The following SLC9A3 variants were observed in gnomAD, a reference collection of about 807,000 sequenced individuals.
SLC9A3 encodes the protein solute carrier family 9 member A3, also known as sodium/hydrogen exchanger 3.
In SLC9A3, 37 loss-of-function variants were observed where a neutral mutation model predicts 86.8. The observed-to-expected ratio is 0.43, with a 90% CI of 0.33 to 0.56. The LOEUF is 0.56. Among genes scored for constraint, SLC9A3 ranks in the 20% least tolerant of loss-of-function variants. SLC9A3 has a pLI of 0.06. For missense variants in SLC9A3, 1,011 were observed against 1,171.9 expected, an observed-to-expected ratio of 0.86 and a Z score of 2.00; for synonymous variants, 581 against 528.3, an observed-to-expected ratio of 1.10 and a Z score of -1.37.
At chr5:511,862 C>T (rs1406896579) in intron 1 of SLC9A3, among the ~76,000 whole-genome samples, 2 of 152,204 alleles carry the variant, frequency 1.3e-5, no homozygotes, top group Non-Finnish European at 2.9e-5. Context: ...ACCAAAATCA[C>T]CTGGAAGCAG....
chr5:473,179 C>A lies in SLC9A3; in HGVS notation c.*200G>T. On this transcript the variant is annotated 3_prime_UTR_variant, in exon 17 of 17. Coordinates refer to ENST00000264938, the MANE Select transcript of SLC9A3 (RefSeq NM_004174.4). ...CCCGGCGCAGGCCCCGCCCCCGGCT[C>A]GCCCTCGGGCGGCTCTGCGGGCGCA... The A allele has an allele frequency of 2.0e-6, 1 of 492,766 alleles. No homozygotes were observed. The allele number at this position is 492,766 out of a possible 1,614,324, so 30.5% of individuals were successfully genotyped here.
Position 495,419 on chromosome 5 carries a change from G to A in SLC9A3, c.212-3348C>T, listed in dbSNP as rs367561221. ...CGACCCTCCCCACGCTCCACTCCCC[G>A]CGCCATCGCCGACCCTCCCCACGCT... On this transcript the variant is annotated intron_variant, in intron 1 of 16. Coordinates refer to ENST00000264938, the MANE Select transcript of SLC9A3 (RefSeq NM_004174.4). Among the ~76,000 whole-genome samples, 82 of 130,604 alleles carry A rather than the reference G, an allele frequency of 6.3e-4. 5 individuals carry two copies. The East Asian group carries it at 0.01, about 16-fold the overall frequency. 85.7% of individuals were successfully genotyped at this position (130,604 alleles called of 152,430 possible).
chr5:493,116 G>GAAA (rs70955254), intron 1 of SLC9A3, among the ~76,000 whole-genome samples: 1 of 145,756 alleles, frequency 6.9e-6, no homozygotes, highest in Non-Finnish European at 1.5e-5. Flanking sequence ...GTTGGACTCA[G>GAAA]AAAAAAAAAA....
chr5:521,063 G>A (rs73730851), intron 1 of SLC9A3, among the ~76,000 whole-genome samples: 8,195 of 152,324 alleles, frequency 0.054, 574 homozygotes, highest in African/African-American at 0.16. Context: ...AGGCCCTGCC[G>A]CCTCCACTGC....
intron 11 of SLC9A3, 163 bp downstream of exon 11, chr5:477,169 A>G: frequency 3.5e-6 from 2 of 579,522 alleles, no homozygotes; most frequent in South Asian, 4.7e-5. Context: ...GCCACGGCCT[A>G]ATATAGGAGG....
Position 497,976 on chromosome 5 carries a change from C to G in SLC9A3, c.212-5905G>C, listed in dbSNP as rs1380652800. ...GGTCAGCTATGAAGCCTTAGCCTCG[C>G]TTGTGGGAGTCCCTGCCTCACGGAT... On this transcript the variant is annotated intron_variant, in intron 1 of 16. Coordinates refer to ENST00000264938, the MANE Select transcript of SLC9A3 (RefSeq NM_004174.4). The surrounding 1 kb of genome is among the most constrained non-coding windows in gnomAD (Gnocchi z 5.4). Among the ~76,000 whole-genome samples, 1 of 152,264 alleles carries G rather than the reference C, an allele frequency of 6.6e-6. No homozygotes were observed. The highest frequency in any genetic ancestry group is 2.1e-4 in the South Asian group (1 of 4,838).
At chr5:517,405 T>TCATC (rs1270370416) in intron 1 of SLC9A3, among the ~76,000 whole-genome samples, 1 of 149,764 alleles carries the variant, frequency 6.7e-6, no homozygotes, top group African/African-American at 2.5e-5. Flanking sequence ...ATCCATTCAT[T>TCATC]CATCCATCCA....
Position 470,696 on chromosome 5 carries a change from ATAATT to A in SLC9A3, c.*2678_*2682del, listed in dbSNP as rs1738309185. ...AAATTAACATACACAATTTTCACTC[ATAATT>A]TAAAATATTTTGATGAAATTCTTTG... is the stretch of plus-strand genomic sequence containing the variant. On this transcript the variant is annotated 3_prime_UTR_variant, in exon 17 of 17. Coordinates refer to ENST00000264938, the MANE Select transcript of SLC9A3 (RefSeq NM_004174.4). The A allele has an allele frequency of 1.3e-5, 2 of 152,180 alleles. No individual in the cohort carries two copies. The highest frequency in any genetic ancestry group is 1.5e-5 in the Non-Finnish European group (1 of 68,030). The allele number at this position is 152,180 out of a possible 1,614,324, so 9.4% of individuals were successfully genotyped here.
rs1271897784 is a variant in SLC9A3 at position 471,120 on chromosome 5, CAG to C, written c.*2257_*2258del. On this transcript the variant is annotated 3_prime_UTR_variant, in exon 17 of 17. Coordinates refer to ENST00000264938, the MANE Select transcript of SLC9A3 (RefSeq NM_004174.4). ...TTAGCCTGTGCAATTCTCGTCAACA[CAG>C]AACACCTGCCTGCCCACCCCCGGTG... The C allele has an allele frequency of 6.5e-6, 1 of 154,964 alleles. No individual in the cohort carries two copies. The highest frequency in any genetic ancestry group is 1.4e-5 in the Non-Finnish European group (1 of 69,692). 9.6% of individuals were successfully genotyped at this position (154,964 alleles called of 1,614,324 possible).
At chr5:489,117 G>A (rs1739606501) in intron 2 of SLC9A3, among the ~76,000 whole-genome samples, 1 of 152,344 alleles carries the variant, frequency 6.6e-6, no homozygotes, top group African/African-American at 2.4e-5. Flanking sequence ...TCAACCCAGG[G>A]TTCAGGCCTC....
chr5:492,039 C>G lies in SLC9A3; in HGVS notation c.244G>C (p.Val82Leu), dbSNP rs1375511790. 5 of 1,554,540 alleles carry G rather than the reference C, an allele frequency of 3.2e-6. No individual in the cohort carries two copies. In the African/African-American group the frequency reaches 4.2e-5, roughly 13 times the overall value. ...FHLSHKVTSV[V>L]PESALLIVLG... ...ACGATGAGCAGGGCGCTCTCGGGAA[C>G]CACGCTGGTGACCTTGTGGGACAGG... Residue 82 changes from valine to leucine, a missense_variant, in exon 2 of 17, where the codon GTT (valine) becomes CTT (leucine). Transcript: ENST00000264938.
At chr5:489,948 G>T (rs996215989) in intron 2 of SLC9A3, among the ~76,000 whole-genome samples, 9 of 152,232 alleles carry the variant, frequency 5.9e-5, no homozygotes, top group Non-Finnish European at 8.8e-5. Flanking sequence ...TGAAGCTCTC[G>T]CAGGGCCTGT....
chr5:490,261 A>G (rs1474991796), intron 2 of SLC9A3, among the ~76,000 whole-genome samples: 1 of 73,934 alleles, frequency 1.4e-5, no homozygotes, highest in African/African-American at 6.4e-5. Context: ...TACCTGGGAC[A>G]CGTGTTTCTC....
At chr5:490,634 G>A (rs1016054957) in intron 2 of SLC9A3, among the ~76,000 whole-genome samples, 1 of 152,074 alleles carries the variant, frequency 6.6e-6, no homozygotes, top group Non-Finnish European at 1.5e-5. Context: ...GGGATCTCAT[G>A]GGCGAGGGGC....
At position 496,469 on chromosome 5, in the gene SLC9A3, ACTG is replaced by A. The variant is rs1740026966; in HGVS notation, c.212-4401_212-4399del. ...GTGTCGGCTTGCTCCCCTGCCGGGC[ACTG>A]ATCCTTTCCTATTGACACGAGGTTC... On this transcript the variant is annotated intron_variant, in intron 1 of 16. Coordinates refer to ENST00000264938, the MANE Select transcript of SLC9A3 (RefSeq NM_004174.4). This position sits in a 1 kb window ranked among gnomAD's most constrained non-coding sequence, Gnocchi z 4.7. Among the ~76,000 whole-genome samples the A allele has an allele frequency of 6.6e-6, 1 of 152,240 alleles. No individual in the cohort carries two copies. The highest frequency in any genetic ancestry group is 1.5e-5 in the Non-Finnish European group (1 of 68,034).
chr5:473,394 G>A lies in SLC9A3; in HGVS notation c.2502-12C>T, dbSNP rs1436675643. Reference sequence around the variant, plus strand: ...GGAGCCGGTGTCACCTGCGGGAGAGGAAGGCGTGAGCGGCGCGCGGAGCCC... The same window carrying A: ...GGAGCCGGTGTCACCTGCGGGAGAGAAAGGCGTGAGCGGCGCGCGGAGCCC... On this transcript the variant is annotated splice_polypyrimidine_tract_variant and intron_variant, in intron 16 of 16. Transcript: ENST00000264938. 4 of 1,406,066 alleles carry A rather than the reference G, an allele frequency of 2.8e-6. No homozygotes were observed. In the African/African-American group the frequency reaches 4.5e-5, roughly 16 times the overall value. 87.1% of individuals were successfully genotyped at this position (1,406,066 alleles called of 1,614,324 possible).
chr5:476,420 G>A (rs761035492), intron 12 of SLC9A3, 42 bp from the exon 13 acceptor site: 20 of 1,609,416 alleles, frequency 1.2e-5, no homozygotes, highest in Admixed American at 3.3e-5. Flanking sequence ...GCCCACCGCC[G>A]GACATTCTCG....
At chr5:481,681 G>A in intron 8 of SLC9A3, 46 bp from the exon 9 acceptor site, 1 of 1,503,488 alleles carries the variant, frequency 6.7e-7, no homozygotes, top group Non-Finnish European at 9.3e-7. Flanking sequence ...GGCCAACCGG[G>A]GAACATGAGG....
intron 3 of SLC9A3, among the ~76,000 whole-genome samples, chr5:486,896 CGTGATCCAGACCGCACTGA>C (rs1739502711): frequency 3.3e-5 from 4 of 122,322 alleles, no homozygotes; most frequent in Admixed American, 8.8e-5. Context: ...GCACTGACAC[CGTGATCCAGACCGCACTGA>C]CACCCACCAC....
Sources: allele counts gnomAD v4.1 joint callset (sites outside exome capture counted in the v4.1 genomes callset), GRCh38; gene constraint gnomAD v4.1.1; non-coding constraint Gnocchi (gnomAD v3.1); transcripts MANE v1.5; gene names NCBI Gene and HGNC (gene_info 2026-07-23, HGNC 2026-07-21).